Variants in SLIT3 observed in about 807,000 individuals in gnomAD.
SLIT3 encodes slit guidance ligand 3, also known as slit homolog 3 protein.
In SLIT3, 68 loss-of-function variants were observed where a neutral mutation model predicts 184.0. The observed-to-expected ratio is 0.37, with a 90% confidence interval of 0.30 to 0.45. SLIT3 has a LOEUF of 0.45. SLIT3 is among the 20% of genes least tolerant of loss of function. The probability of loss-of-function intolerance (pLI) is 1.00; values close to 1 mark genes in which losing one functional copy is unlikely to be tolerated. For synonymous variants in SLIT3, 831 were observed against 828.6 expected, an observed-to-expected ratio of 1.00 and a Z score of -0.05; for missense variants, 1,707 against 2,026.0, an observed-to-expected ratio of 0.84 and a Z score of 3.02.
chr5:169,208,157 T>G (rs1764140060), intron 3 of SLIT3, among the ~76,000 whole-genome samples: 1 of 152,242 alleles, frequency 6.6e-6, no homozygotes, highest in African/African-American at 2.4e-5. Context: ...AGTTGCTTAC[T>G]TATAAATTAA....
At chr5:169,253,283 C>G (rs1396388419) in intron 1 of SLIT3, among the ~76,000 whole-genome samples, 3 of 152,148 alleles carry the variant, frequency 2.0e-5, no homozygotes, top group Non-Finnish European at 4.4e-5. Context: ...GTTTAATTAC[C>G]AGGACACAGC....
chr5:168,691,103 T>C (rs17665158), intron 29 of SLIT3, among the ~76,000 whole-genome samples: 27,667 of 152,178 alleles, frequency 0.18, 3,056 homozygotes, highest in East Asian at 0.43. Flanking sequence ...CTTCTTTCTT[T>C]TCTAAATATT....
intron 5 of SLIT3, 94 bp from the exon 6 acceptor site, chr5:168,844,749 T>C (rs1758397415): frequency 9.1e-7 from 1 of 1,095,692 alleles, no homozygotes; most frequent in South Asian, 1.3e-5. Context: ...CTCCACCCCC[T>C]TGCAGGCGCT....
intron 31 of SLIT3, among the ~76,000 whole-genome samples, chr5:168,684,470 TCTTA>T (rs1317401322): frequency 2.6e-5 from 4 of 151,350 alleles, no homozygotes; most frequent in Non-Finnish European, 5.9e-5. Flanking sequence ...GAATAATAAG[TCTTA>T]TTTATTTATT....
intron 1 of SLIT3, among the ~76,000 whole-genome samples, chr5:169,275,269 G>T (rs1394914791): frequency 1.3e-5 from 2 of 152,170 alleles, no homozygotes. Context: ...GGTAACTAAG[G>T]TTTGGTGACC....
intron 4 of SLIT3, among the ~76,000 whole-genome samples, chr5:168,932,239 G>GT (rs1762006872): frequency 7.3e-6 from 1 of 136,362 alleles, no homozygotes; most frequent in Non-Finnish European, 1.5e-5. Context: ...TCCTGACACA[G>GT]TTTTTTTGTT....
intron 27 of SLIT3, among the ~76,000 whole-genome samples, chr5:168,699,842 A>T (rs755247909): frequency 2.0e-5 from 3 of 152,196 alleles, no homozygotes; most frequent in Non-Finnish European, 4.4e-5. Flanking sequence ...AATAAATGCC[A>T]CTTATTTTAT....
chr5:169,125,116 C>T lies in SLIT3; in HGVS notation c.413+68363G>A, dbSNP rs537300355. Among the ~76,000 whole-genome samples the T allele has an allele frequency of 1.1e-4, 17 of 152,182 alleles. No homozygotes were observed. The East Asian group carries it at 1.7e-3, about 16-fold the overall frequency. On this transcript the variant is annotated intron_variant, in intron 4 of 35. Transcript: ENST00000519560. ...AGGCTACAGTGCAGTGGCGCAATCTCGGCTCACTGCAACCTCCGACTGCCT... is the reference window on the plus strand; with the variant it reads ...AGGCTACAGTGCAGTGGCGCAATCTTGGCTCACTGCAACCTCCGACTGCCT...
At chr5:169,038,681 G>A (rs928279074) in intron 4 of SLIT3, among the ~76,000 whole-genome samples, 83 of 152,152 alleles carry the variant, frequency 5.5e-4, no homozygotes, top group African/African-American at 1.6e-3. Flanking sequence ...CTGAGGCTAC[G>A]CGATTTGCCA....
chr5:168,989,487 G>A (rs1216762633), intron 4 of SLIT3, among the ~76,000 whole-genome samples: 1 of 152,220 alleles, frequency 6.6e-6, no homozygotes, highest in African/African-American at 2.4e-5. Flanking sequence ...GGGTAAGGAG[G>A]AGAGCCCGAG....
chr5:168,746,348 G>T (rs373657886), intron 20 of SLIT3, among the ~76,000 whole-genome samples: 892 of 49,456 alleles, frequency 0.018, 3 homozygotes, highest in Admixed American at 0.031. Context: ...TGGTGGTGTG[G>T]GTGTGTGGTG....
intron 4 of SLIT3, among the ~76,000 whole-genome samples, chr5:169,102,092 C>T (rs986415835): frequency 1.3e-5 from 2 of 152,202 alleles, no homozygotes; most frequent in Non-Finnish European, 2.9e-5. Flanking sequence ...ATATTCACTC[C>T]GTGAATGAAT....
At chr5:169,036,271 C>G (rs1757243863) in intron 4 of SLIT3, 1 of 152,178 alleles carries the variant, frequency 6.6e-6, no homozygotes. Context: ...TCCAGTTACA[C>G]CCAGCAGACT....
chr5:169,293,666 A>C (rs549449515), intron 1 of SLIT3, among the ~76,000 whole-genome samples: 1 of 152,324 alleles, frequency 6.6e-6, no homozygotes, highest in South Asian at 2.1e-4. Context: ...TAGGTGACAG[A>C]ACCGGGCTTT....
At position 168,748,650 on chromosome 5, in the gene SLIT3, G is replaced by C. The variant is rs1754590241; in HGVS notation, c.2138-216C>G. ...ACATAAGATGAAGACCATCAAGGAGGCTCAGCAAGAGTAACAGGAAAGAGG... is the reference window on the plus strand; with the variant it reads ...ACATAAGATGAAGACCATCAAGGAGCCTCAGCAAGAGTAACAGGAAAGAGG... On this transcript the variant is annotated intron_variant, in intron 19 of 35. Transcript: ENST00000519560. Among the ~76,000 whole-genome samples the C allele has an allele frequency of 3.3e-5, 5 of 152,298 alleles. No homozygotes were observed. The South Asian group carries it at 8.3e-4, about 25-fold the overall frequency.
intron 1 of SLIT3, among the ~76,000 whole-genome samples, chr5:169,272,730 C>T (rs80149813): frequency 0.065 from 9,823 of 152,244 alleles, 474 homozygotes; most frequent in East Asian, 0.27. Context: ...GAAGTTGACC[C>T]CAGCTCCCAG....
chr5:169,015,993 T>C (rs576294362), intron 4 of SLIT3, among the ~76,000 whole-genome samples: 2 of 141,110 alleles, frequency 1.4e-5, no homozygotes, highest in Admixed American at 1.4e-4. Flanking sequence ...CACAACTTTC[T>C]GTCTGCCCCC....
At chr5:169,287,065 G>A (rs1433168626) in intron 1 of SLIT3, among the ~76,000 whole-genome samples, 3 of 152,196 alleles carry the variant, frequency 2.0e-5, no homozygotes, top group Admixed American at 1.3e-4. Context: ...GTACTAAAAT[G>A]TATGCCTAAA....
intron 4 of SLIT3, among the ~76,000 whole-genome samples, chr5:169,159,521 A>T (rs1762408113): frequency 7.2e-6 from 1 of 138,456 alleles, no homozygotes; most frequent in African/African-American, 2.5e-5. Context: ...CACGCCTGTA[A>T]TCCCAGCACT....
Sources: allele counts gnomAD v4.1 joint callset (sites outside exome capture counted in the v4.1 genomes callset), GRCh38; gene constraint gnomAD v4.1.1; transcripts MANE v1.5; gene names NCBI Gene and HGNC (gene_info 2026-07-23, HGNC 2026-07-21).